The following ATP13A4 variants were observed in gnomAD, a reference collection of about 807,000 sequenced individuals.
ATP13A4 encodes the protein ATPase 13A4, also known as probable cation-transporting ATPase 13A4.
ATP13A4 carries 114 observed loss-of-function variants against 142.5 expected under a neutral mutation model. The observed-to-expected ratio is 0.80, with a 90% confidence interval of 0.69 to 0.93. ATP13A4 has a LOEUF of 0.93. Among genes scored for constraint, ATP13A4 ranks in the 40% least tolerant of loss-of-function variants. The probability of loss-of-function intolerance (pLI) is 0.00; values close to 1 mark genes in which losing one functional copy is unlikely to be tolerated. For missense variants in ATP13A4, 1,392 were observed against 1,454.0 expected (o/e 0.96, Z 0.69); for synonymous variants, 488 against 514.8 (o/e 0.95, Z 0.70).
chr3:193,560,098 G>T (rs116005965), intron 2 of ATP13A4, among the ~76,000 whole-genome samples: 2 of 152,220 alleles, frequency 1.3e-5, no homozygotes, highest in African/African-American at 4.8e-5. Context: ...TTTCTTCGGT[G>T]AGAAAAAAGT....
At chr3:193,408,674 G>A (rs1576930946) in intron 28 of ATP13A4, among the ~76,000 whole-genome samples, 5 of 152,118 alleles carry the variant, frequency 3.3e-5, no homozygotes, top group South Asian at 2.1e-4. Flanking sequence ...AGGACACCAC[G>A]GATTCTCATC....
At chr3:193,426,730 T>A (rs1715686867) in intron 25 of ATP13A4, among the ~76,000 whole-genome samples, 1 of 151,884 alleles carries the variant, frequency 6.6e-6, no homozygotes, top group African/African-American at 2.4e-5. Context: ...TGCATATTAA[T>A]ACCATTTAAT....
Position 193,549,622 on chromosome 3 carries a change from G to A in ATP13A4, c.60+5118C>T, listed in dbSNP as rs562820667. On this transcript the variant is annotated intron_variant, in intron 1 of 29. Coordinates refer to ENST00000342695, the MANE Select transcript of ATP13A4 (RefSeq NM_032279.4). ...AGGCAGGTGGATCTCTTGGGTCCAG[G>A]AGTTTCAGACCAGCCTGGGCAACAT... 2.6e-5 allele frequency among the ~76,000 whole-genome samples: 4 copies of A among 152,216 alleles called. No homozygotes were observed. The East Asian group carries it at 7.7e-4, about 29-fold the overall frequency.
In ATP13A4 at chr3:193,467,373, C is replaced by T. The variant is rs759427943; in HGVS notation, c.1057G>A (p.Val353Ile). The stretch of plus-strand genomic sequence containing the variant: ...GAGCAAGCTGCCTTGGCCTGGATAA[C>T]CTCTGTTCCACAGAAGAGGACATGC... ...KRHVLFCGTE[V>I]IQAKAACSGT... The change falls in exon 10 of 30, where the codon GTT (valine) becomes ATT (isoleucine). Residue 353 changes from valine to isoleucine, a missense_variant. Transcript: ENST00000342695. The T allele has an allele frequency of 1.5e-5, 24 of 1,613,986 alleles. No homozygotes were observed. The highest frequency in any genetic ancestry group is 2.7e-5 in the African/African-American group (2 of 74,880).
intron 25 of ATP13A4, among the ~76,000 whole-genome samples, chr3:193,417,508 T>A (rs1560173012): frequency 6.6e-6 from 1 of 152,244 alleles, no homozygotes; most frequent in African/African-American, 2.4e-5. Flanking sequence ...TACACTGTTA[T>A]AAATTTAGAA....
At chr3:193,494,440 T>C (rs1249611732) in intron 3 of ATP13A4, among the ~76,000 whole-genome samples, 1 of 151,960 alleles carries the variant, frequency 6.6e-6, no homozygotes, top group Non-Finnish European at 1.5e-5. Context: ...ACTATAATAG[T>C]ATAAAAGTAG....
chr3:193,510,036 A>C (rs748476287), intron 2 of ATP13A4, among the ~76,000 whole-genome samples: 1 of 152,312 alleles, frequency 6.6e-6, no homozygotes, highest in Middle Eastern at 3.4e-3. Context: ...TATCAGAAGA[A>C]ACTTTATGGG....
At chr3:193,451,641 A>G (rs13084754) in intron 17 of ATP13A4, among the ~76,000 whole-genome samples, 3,309 of 152,336 alleles carry the variant, frequency 0.022, 57 homozygotes, top group Non-Finnish European at 0.034. Context: ...ATAAAGAATG[A>G]TAAGTGTAAT....
At chr3:193,573,758 A>C (rs1055531862) in intron 2 of ATP13A4, among the ~76,000 whole-genome samples, 1 of 152,198 alleles carries the variant, frequency 6.6e-6, no homozygotes, top group Non-Finnish European at 1.5e-5. Flanking sequence ...TATATCATTC[A>C]TTCTTCCAAA....
intron 2 of ATP13A4, among the ~76,000 whole-genome samples, chr3:193,574,998 C>T (rs1482646262): frequency 6.6e-6 from 1 of 152,210 alleles, no homozygotes; most frequent in Non-Finnish European, 1.5e-5. Flanking sequence ...GATCTTAAGA[C>T]ACTGGCAGCT....
At chr3:193,429,026 G>A (rs1715828234) in intron 25 of ATP13A4, among the ~76,000 whole-genome samples, 1 of 152,028 alleles carries the variant, frequency 6.6e-6, no homozygotes, top group South Asian at 2.1e-4. Context: ...AAGAAGACAT[G>A]TAAATGGCTG....
intron 2 of ATP13A4, among the ~76,000 whole-genome samples, chr3:193,504,018 TGTGA>T (rs768210998): frequency 7.2e-5 from 10 of 138,832 alleles, no homozygotes; most frequent in East Asian, 4.1e-4. Flanking sequence ...TGTGTGTGTG[TGTGA>T]GAGAGAGAGA....
At chr3:193,457,337 T>G (rs1223760060) in intron 15 of ATP13A4, 42 bp downstream of exon 15, 1 of 1,604,718 alleles carries the variant, frequency 6.2e-7, no homozygotes, top group South Asian at 1.1e-5. Context: ...GAGTTTCTCT[T>G]TGAGTTTGGG....
intron 2 of ATP13A4, among the ~76,000 whole-genome samples, chr3:193,569,582 C>T (rs899879827): frequency 6.6e-6 from 1 of 152,004 alleles, no homozygotes; most frequent in Non-Finnish European, 1.5e-5. Flanking sequence ...CTCGCTCTGT[C>T]ACCCAGGCAA....
intron 26 of ATP13A4, 135 bp from the exon 27 acceptor site, chr3:193,412,506 AACAC>A (rs58979821): frequency 0.21 from 103,204 of 502,694 alleles, 3,251 homozygotes; most frequent in African/African-American, 0.27. Context: ...TGCTTTGGAA[AACAC>A]ACACACACAC....
intron 5 of ATP13A4, 124 bp from the exon 6 acceptor site, chr3:193,491,522 C>A: frequency 2.6e-6 from 2 of 761,006 alleles, no homozygotes; most frequent in Admixed American, 2.0e-5. Flanking sequence ...ATAAGTCTCC[C>A]TTGTTAAATA....
At chr3:193,473,556 T>C (rs1382293121) in intron 8 of ATP13A4, among the ~76,000 whole-genome samples, 1 of 152,094 alleles carries the variant, frequency 6.6e-6, no homozygotes, top group Non-Finnish European at 1.5e-5. Context: ...CTCAACAAAA[T>C]AACCATTAAT....
At chr3:193,481,168 T>G (rs1719270940) in intron 8 of ATP13A4, among the ~76,000 whole-genome samples, 1 of 152,188 alleles carries the variant, frequency 6.6e-6, no homozygotes, top group Admixed American at 6.5e-5. Flanking sequence ...ACACACTGGG[T>G]GCAGTGTACA....
chr3:193,419,613 G>A (rs528823826), intron 25 of ATP13A4, among the ~76,000 whole-genome samples: 1 of 147,310 alleles, frequency 6.8e-6, no homozygotes, highest in Non-Finnish European at 1.5e-5. Flanking sequence ...GCCTCCCAAG[G>A]AATCAATGCT....
Sources: allele counts gnomAD v4.1 joint callset (sites outside exome capture counted in the v4.1 genomes callset), GRCh38; gene constraint gnomAD v4.1.1; transcripts MANE v1.5; gene names NCBI Gene and HGNC (gene_info 2026-07-23, HGNC 2026-07-21).